GRAMD1B: variants seen among roughly 807,000 people sequenced by gnomAD.
The protein encoded by GRAMD1B is protein Aster-B.
In GRAMD1B, 37 loss-of-function variants were observed where a neutral mutation model predicts 99.7. The observed-to-expected ratio is 0.37, with a 90% CI of 0.29 to 0.49. The LOEUF is 0.49. Ranked by LOEUF, GRAMD1B falls within the 20% of genes least tolerant of loss-of-function variation. The pLI is 0.98. For missense variants in GRAMD1B, 888 were observed against 1,009.2 expected, an observed-to-expected ratio of 0.88 and a Z score of 1.63; for synonymous variants, 427 against 387.6, an observed-to-expected ratio of 1.10 and a Z score of -1.19.
rs143550888 is a variant in GRAMD1B, at chr11:123,411,852, A to G, written c.-176+53053A>G. Among the ~76,000 whole-genome samples the G allele has an allele frequency of 2.2e-4, 33 of 151,970 alleles. 1 individual carries two copies. Among genetic ancestry groups the G allele is most frequent in the Non-Finnish European group, 4.3e-4 (29 of 67,954 alleles). On this transcript the variant is annotated intron_variant, in intron 1 of 20. Transcript: ENST00000638157. ...TTTGGTAGAGATGGGGTTTTGCCATATTGTCAGGCTGGTCTTGAACTCCTG... is the reference window on the plus strand; with the variant it reads ...TTTGGTAGAGATGGGGTTTTGCCATGTTGTCAGGCTGGTCTTGAACTCCTG...
chr11:123,448,240 C>G (rs188389459), intron 1 of GRAMD1B, among the ~76,000 whole-genome samples: 2 of 151,454 alleles, frequency 1.3e-5, no homozygotes, highest in Non-Finnish European at 2.9e-5. Flanking sequence ...TTCTCACCCT[C>G]CCCCTTGTAC....
Position 123,443,828 on chromosome 11 carries a change from G to A in GRAMD1B, c.374+12662G>A, listed in dbSNP as rs563025359. 1.2e-4 allele frequency among the ~76,000 whole-genome samples: 18 copies of A among 152,280 alleles called. No individual in the cohort carries two copies. In the East Asian group the frequency reaches 1.4e-3, roughly 11 times the overall value. ...GAACTCCTGACCTTGTGATCCACCCGCCTTGGCCTCCCAAAGTGCTGGGAT... is the reference window on the plus strand; with the variant it reads ...GAACTCCTGACCTTGTGATCCACCCACCTTGGCCTCCCAAAGTGCTGGGAT... On this transcript the variant is annotated intron_variant, in intron 1 of 19. Coordinates refer to ENST00000635736, the MANE Select transcript of GRAMD1B (RefSeq NM_001387025.1).
chr11:123,552,212 C>T (rs987402255), intron 2 of GRAMD1B, among the ~76,000 whole-genome samples: 1 of 151,632 alleles, frequency 6.6e-6, no homozygotes, highest in Non-Finnish European at 1.5e-5. Context: ...GATTTTTCTT[C>T]CCTTAGTATA....
chr11:123,577,659 T>G (rs1430091047), intron 3 of GRAMD1B, 82 bp downstream of exon 3: 1 of 1,048,890 alleles, frequency 9.5e-7, no homozygotes, highest in African/African-American at 1.6e-5. Context: ...GGAGAACATC[T>G]GCGAGGGTCC....
At chr11:123,609,730 A>G in intron 12 of GRAMD1B, 65 bp from the exon 13 acceptor site, 1 of 961,712 alleles carries the variant, frequency 1.0e-6, no homozygotes, top group Non-Finnish European at 1.6e-6. Flanking sequence ...CTTGGAGGGG[A>G]AACTTGGATT....
At chr11:123,469,078 G>A (rs1381515795) in intron 1 of GRAMD1B, among the ~76,000 whole-genome samples, 2 of 151,992 alleles carry the variant, frequency 1.3e-5, no homozygotes, top group African/African-American at 4.8e-5. Flanking sequence ...AAGGGTGAGA[G>A]AAAAGGCTCT....
rs1955379844 is a variant in GRAMD1B, at chr11:123,624,381, G to C, written c.*1786G>C. ...AATAAGGCCTTGGTATTTCCCTAAGGGCAGGATCAGAAAACAGGAAGGTCC... is the reference window on the plus strand; with the variant it reads ...AATAAGGCCTTGGTATTTCCCTAAGCGCAGGATCAGAAAACAGGAAGGTCC... On this transcript the variant is annotated 3_prime_UTR_variant, in exon 20 of 20. Transcript: ENST00000635736. The C allele has an allele frequency of 6.6e-6, 1 of 152,184 alleles. No individual in the cohort carries two copies. The highest frequency in any genetic ancestry group is 2.4e-5 in the African/African-American group (1 of 41,438). The allele number at this position is 152,184 out of a possible 1,614,324, so 9.4% of individuals were successfully genotyped here.
chr11:123,519,089 A>G (rs1431915981), intron 2 of GRAMD1B, among the ~76,000 whole-genome samples: 1 of 151,908 alleles, frequency 6.6e-6, no homozygotes, highest in Non-Finnish European at 1.5e-5. Context: ...CCTGCCCTGC[A>G]CAGCGCTGTT....
chr11:123,586,717 C>G (rs1950115642), intron 4 of GRAMD1B, among the ~76,000 whole-genome samples: 1 of 152,228 alleles, frequency 6.6e-6, no homozygotes, highest in Non-Finnish European at 1.5e-5. Flanking sequence ...GCTGCTTTGA[C>G]CTGGTTTTCT....
chr11:123,553,437 T>C (rs1365309227), intron 2 of GRAMD1B, among the ~76,000 whole-genome samples: 4 of 152,256 alleles, frequency 2.6e-5, no homozygotes, highest in Admixed American at 1.3e-4. Flanking sequence ...TGTATCCATG[T>C]GTACATGATA....
chr11:123,380,926 C>T lies in GRAMD1B; in HGVS notation c.-176+22127C>T, dbSNP rs73605929. Among the ~76,000 whole-genome samples, 646 of 152,284 alleles carry T rather than the reference C, an allele frequency of 4.2e-3. 4 individuals carry two copies. The highest frequency in any genetic ancestry group is 0.015 in the African/African-American group (618 of 41,538). ...TTCCCATATGAGCTCCCACTCCCTT[C>T]TTCTCTACGTACCTTCCTTGGAGCT... is the stretch of plus-strand genomic sequence containing the variant. On this transcript the variant is annotated intron_variant, in intron 1 of 20. Transcript: ENST00000638157.
intron 2 of GRAMD1B, 38 bp from the exon 3 acceptor site, chr11:123,577,329 C>T (rs1592093286): frequency 1.3e-6 from 2 of 1,520,704 alleles, no homozygotes; most frequent in Non-Finnish European, 1.8e-6. Context: ...TCCTCCTTCT[C>T]TTTCCACCCC....
At chr11:123,597,473 T>C (rs1350141234) in intron 7 of GRAMD1B, among the ~76,000 whole-genome samples, 1 of 152,030 alleles carries the variant, frequency 6.6e-6, no homozygotes, top group African/African-American at 2.4e-5. Context: ...CTCATCCTCC[T>C]AGTCTTTCCC....
intron 11 of GRAMD1B, 77 bp downstream of exon 11, chr11:123,606,875 G>C (rs1456363650): frequency 8.9e-7 from 1 of 1,122,024 alleles, no homozygotes; most frequent in Admixed American, 2.0e-5. Flanking sequence ...TGTGGGGACT[G>C]TAGTTAGTCT....
At chr11:123,394,536 C>T (rs1241072591) in intron 1 of GRAMD1B, among the ~76,000 whole-genome samples, 1 of 150,630 alleles carries the variant, frequency 6.6e-6, no homozygotes, top group Non-Finnish European at 1.5e-5. Context: ...TCTGTCCTTC[C>T]CTTCTTTCTC....
chr11:123,398,147 T>C (rs1312674519), intron 1 of GRAMD1B, among the ~76,000 whole-genome samples: 1 of 152,236 alleles, frequency 6.6e-6, no homozygotes. Context: ...TGAAAAACTA[T>C]GAGTTTTCCA....
At chr11:123,470,843 CT>C (rs1950982329) in intron 1 of GRAMD1B, among the ~76,000 whole-genome samples, 1 of 152,150 alleles carries the variant, frequency 6.6e-6, no homozygotes, top group African/African-American at 2.4e-5. Context: ...CAAGCTAGAA[CT>C]CAAATCCTGG....
chr11:123,530,799 C>T (rs1026056906), intron 2 of GRAMD1B, among the ~76,000 whole-genome samples: 1 of 152,112 alleles, frequency 6.6e-6, no homozygotes, highest in Non-Finnish European at 1.5e-5. Context: ...AGGTGAGTTG[C>T]GGTGAAGGTT....
chr11:123,523,161 A>G (rs1272294102), intron 2 of GRAMD1B, among the ~76,000 whole-genome samples: 1 of 152,082 alleles, frequency 6.6e-6, no homozygotes, highest in African/African-American at 2.4e-5. Flanking sequence ...GTGAAACCCC[A>G]TCTCTACTAA....
Sources: allele counts gnomAD v4.1 joint callset (sites outside exome capture counted in the v4.1 genomes callset), GRCh38; gene constraint gnomAD v4.1.1; transcripts MANE v1.5; gene names NCBI Gene and HGNC (gene_info 2026-07-23, HGNC 2026-07-21).